Variants in KCNH7 observed in about 807,000 individuals in gnomAD.
The protein encoded by KCNH7 is potassium voltage-gated channel subfamily H member 7.
Under a neutral mutation model 120.8 loss-of-function variants are expected in KCNH7, and 49 were observed. The observed-to-expected ratio is 0.41, with a 90% CI of 0.32 to 0.51. KCNH7 has a LOEUF of 0.51. Among genes scored for constraint, KCNH7 ranks in the 20% least tolerant of loss-of-function variants. The pLI, the probability that KCNH7 is intolerant of heterozygous loss-of-function variation, is 0.38. For synonymous variants in KCNH7, 547 were observed against 516.1 expected, an observed-to-expected ratio of 1.06 and a Z score of -0.81; for missense variants, 1,097 against 1,446.6, an observed-to-expected ratio of 0.76 and a Z score of 3.92.
chr2:162,480,302 C>G (rs1482342763), intron 6 of KCNH7, among the ~76,000 whole-genome samples: 1 of 152,092 alleles, frequency 6.6e-6, no homozygotes, highest in Admixed American at 6.5e-5. Context: ...CATTCATTCT[C>G]CTCCTTCAGC....
At chr2:162,640,519 G>A (rs1325904372) in intron 2 of KCNH7, among the ~76,000 whole-genome samples, 1 of 151,792 alleles carries the variant, frequency 6.6e-6, no homozygotes, top group Non-Finnish European at 1.5e-5. Context: ...AATGAAATTT[G>A]ACCCAAGTCT....
intron 2 of KCNH7, among the ~76,000 whole-genome samples, chr2:162,612,242 A>G (rs911461552): frequency 9.2e-5 from 14 of 152,178 alleles, no homozygotes; most frequent in Non-Finnish European, 1.3e-4. Context: ...GAGTTTGCCA[A>G]TCTTGGCAAC....
At chr2:162,397,257 C>T (rs978512501) in intron 10 of KCNH7, among the ~76,000 whole-genome samples, 1 of 151,758 alleles carries the variant, frequency 6.6e-6, no homozygotes, top group Non-Finnish European at 1.5e-5. Context: ...TTTAAATATA[C>T]TTTCAGGTAG....
chr2:162,763,728 A>AGTGTGTGTGTGT (rs72350942), intron 2 of KCNH7, among the ~76,000 whole-genome samples: 2 of 139,242 alleles, frequency 1.4e-5, no homozygotes, highest in African/African-American at 5.3e-5. Context: ...AGGCATTTGC[A>AGTGTGTGTGTGT]GTGTGTGTGT....
chr2:162,734,800 C>T (rs1003295717), intron 2 of KCNH7, among the ~76,000 whole-genome samples: 1 of 151,924 alleles, frequency 6.6e-6, no homozygotes, highest in Non-Finnish European at 1.5e-5. Context: ...CATAGAAAAA[C>T]ATCTGATTAC....
intron 2 of KCNH7, among the ~76,000 whole-genome samples, chr2:162,684,187 C>T (rs1417070410): frequency 3.3e-5 from 5 of 152,056 alleles, no homozygotes. Context: ...ACCCCTTATA[C>T]AAAAATTAAC....
intron 2 of KCNH7, among the ~76,000 whole-genome samples, chr2:162,597,390 A>C (rs1694412996): frequency 6.6e-6 from 1 of 152,138 alleles, no homozygotes; most frequent in Non-Finnish European, 1.5e-5. Flanking sequence ...ATTTGTGACA[A>C]CATGGATGAA....
rs186127423 is a variant in KCNH7, at chr2:162,806,812, T to C, written c.307+29725A>G. ...AAGGAGTAGTGATTTTTTGTTTTTGTTTTTGTTTTTTTATTAGGTCAAATG... is the reference window on the plus strand; with the variant it reads ...AAGGAGTAGTGATTTTTTGTTTTTGCTTTTGTTTTTTTATTAGGTCAAATG... On this transcript the variant is annotated intron_variant, in intron 2 of 15. Coordinates refer to ENST00000332142, the MANE Select transcript of KCNH7 (RefSeq NM_033272.4). 1.3e-4 allele frequency among the ~76,000 whole-genome samples: 20 copies of C among 152,264 alleles called. No individual in the cohort carries two copies. The East Asian group carries it at 3.7e-3, about 28-fold the overall frequency.
At chr2:162,604,034 T>TA (rs1694649053) in intron 2 of KCNH7, among the ~76,000 whole-genome samples, 2 of 152,196 alleles carry the variant, frequency 1.3e-5, no homozygotes, top group South Asian at 4.1e-4. Context: ...TTGATTGACA[T>TA]AAAAATATGT....
intron 6 of KCNH7, among the ~76,000 whole-genome samples, chr2:162,495,598 T>C (rs1027056470): frequency 2.6e-5 from 4 of 152,192 alleles, no homozygotes; most frequent in East Asian, 1.9e-4. Flanking sequence ...CTATCATGAT[T>C]TGTTTTTGAC....
intron 6 of KCNH7, among the ~76,000 whole-genome samples, chr2:162,483,458 CA>C (rs1358306232): frequency 6.6e-6 from 1 of 151,860 alleles, no homozygotes; most frequent in African/African-American, 2.4e-5. Context: ...GTGGAACTAC[CA>C]TTATTGGCAA....
At position 162,384,674 on chromosome 2, in the gene KCNH7, T is replaced by C. The variant is rs780762313; in HGVS notation, c.2962+14A>G. 8 of 1,610,858 alleles carry C rather than the reference T, an allele frequency of 5.0e-6. No individual in the cohort carries two copies. The East Asian group carries it at 1.8e-4, about 36-fold the overall frequency. On this transcript the variant is annotated intron_variant, in intron 13 of 15. Transcript: ENST00000332142. ...CACTGAAGAGAGACCACCTGATGTC[T>C]AACTCTGGATTACCTTTGCAAGAGT...
At chr2:162,479,672 C>T (rs60790644) in intron 6 of KCNH7, among the ~76,000 whole-genome samples, 3 of 108,192 alleles carry the variant, frequency 2.8e-5, no homozygotes, top group Admixed American at 1.9e-4. Flanking sequence ...TGTGTGTGTG[C>T]ATGTGTGTGT....
intron 2 of KCNH7, among the ~76,000 whole-genome samples, chr2:162,702,034 A>G (rs938125014): frequency 7.9e-5 from 12 of 151,928 alleles, no homozygotes; most frequent in African/African-American, 2.7e-4. Context: ...AAAACTTTCT[A>G]TGTTGGTGCT....
intron 2 of KCNH7, among the ~76,000 whole-genome samples, chr2:162,769,927 G>A (rs1293300494): frequency 2.6e-5 from 4 of 152,034 alleles, no homozygotes; most frequent in Admixed American, 6.6e-5. Flanking sequence ...GTATAATCAT[G>A]TTTTTAACCC....
chr2:162,609,057 C>T (rs1385435814), intron 2 of KCNH7, among the ~76,000 whole-genome samples: 2 of 152,144 alleles, frequency 1.3e-5, no homozygotes, highest in African/African-American at 4.8e-5. Flanking sequence ...GCCAGCCCCC[C>T]AACACACACA....
intron 8 of KCNH7, 25 bp downstream of exon 8, chr2:162,435,173 G>T (rs766944241): frequency 2.5e-6 from 4 of 1,585,118 alleles, no homozygotes; most frequent in Non-Finnish European, 3.4e-6. Flanking sequence ...TATCCTAATA[G>T]ACAACAGAAG....
chr2:162,395,489 C>T (rs1345826955), intron 11 of KCNH7, among the ~76,000 whole-genome samples: 1 of 151,514 alleles, frequency 6.6e-6, no homozygotes, highest in African/African-American at 2.4e-5. Flanking sequence ...TATTGTCTAC[C>T]TTGTAAATAA....
chr2:162,690,215 G>T (rs1205364932), intron 2 of KCNH7, among the ~76,000 whole-genome samples: 1 of 151,958 alleles, frequency 6.6e-6, no homozygotes, highest in Non-Finnish European at 1.5e-5. Flanking sequence ...AACAACACAC[G>T]CTGACCTTTC....
Sources: gnomAD v4.1 joint callset for allele counts (sites outside exome capture counted in the v4.1 genomes callset) on GRCh38, gnomAD v4.1.1 for gene constraint, MANE v1.5 for transcripts, NCBI Gene and HGNC (gene_info 2026-07-23, HGNC 2026-07-21) for gene names.